FHIT: variants seen among roughly 807,000 people sequenced by gnomAD.
FHIT encodes the protein fragile histidine triad diadenosine triphosphatase.
A neutral mutation model predicts 17.9 loss-of-function variants in FHIT; 19 were observed. The observed-to-expected ratio is 1.06, with a 90% CI of 0.74 to 1.56. The LOEUF is 1.56. FHIT is among the 40% of genes most tolerant of loss of function. The pLI, the probability that FHIT is intolerant of heterozygous loss-of-function variation, is 0.00. For synonymous variants in FHIT, 81 were observed against 69.7 expected (o/e 1.16, Z -0.81); for missense variants, 248 against 189.2 (o/e 1.31, Z -1.82).
intron 4 of FHIT, among the ~76,000 whole-genome samples, chr3:60,652,727 C>CA (rs782637479): frequency 0.11 from 6,398 of 56,882 alleles, 231 homozygotes; most frequent in Non-Finnish European, 0.14. Context: ...GACTCCATCT[C>CA]AAAAAAAAAA....
intron 2 of FHIT, among the ~76,000 whole-genome samples, chr3:61,155,506 G>T (rs2037510343): frequency 6.6e-6 from 1 of 151,864 alleles, no homozygotes; most frequent in Admixed American, 6.6e-5. Flanking sequence ...TAAAATGAGA[G>T]ACCAGTATAA....
At chr3:60,584,414 G>T (rs1357291440) in intron 4 of FHIT, among the ~76,000 whole-genome samples, 1 of 151,904 alleles carries the variant, frequency 6.6e-6, no homozygotes, top group Non-Finnish European at 1.5e-5. Context: ...ACCCTTGTGA[G>T]CTGCGGTGGC....
At chr3:60,254,270 C>T (rs879635532) in intron 5 of FHIT, among the ~76,000 whole-genome samples, 1 of 152,012 alleles carries the variant, frequency 6.6e-6, no homozygotes, top group Non-Finnish European at 1.5e-5. Context: ...TGAAGAGTTC[C>T]CAGTGCAATG....
chr3:60,071,717 T>C (rs528973324), intron 5 of FHIT, among the ~76,000 whole-genome samples: 1 of 152,332 alleles, frequency 6.6e-6, no homozygotes, highest in African/African-American at 2.4e-5. Flanking sequence ...TTTCCAGTGA[T>C]AATAAAATGT....
At chr3:59,755,556 T>G (rs1242110115) in intron 8 of FHIT, among the ~76,000 whole-genome samples, 1 of 152,194 alleles carries the variant, frequency 6.6e-6, no homozygotes, top group Admixed American at 6.5e-5. Context: ...CTGATAAGCC[T>G]TCTAGATTAC....
In FHIT at chr3:60,892,388, C is replaced by T. The variant is rs963490293; in HGVS notation, c.-110-70377G>A. ...TCTCACTGACACCCACCAACTCAAC[C>T]AGCCCTCTCCCACCACACACCCTTT... On this transcript the variant is annotated intron_variant, in intron 3 of 9. Transcript: ENST00000492590. 3.3e-5 allele frequency among the ~76,000 whole-genome samples: 5 copies of T among 152,260 alleles called. No homozygotes were observed. In the South Asian group the frequency reaches 1.0e-3, roughly 32 times the overall value.
intron 4 of FHIT, among the ~76,000 whole-genome samples, chr3:60,613,868 G>C (rs563608927): frequency 8.0e-4 from 122 of 152,214 alleles, no homozygotes; most frequent in Non-Finnish European, 1.5e-3. Context: ...CTACACAGCA[G>C]AGGTAAGGGC....
chr3:60,239,938 G>A (rs930863203), intron 5 of FHIT, among the ~76,000 whole-genome samples: 9 of 152,028 alleles, frequency 5.9e-5, no homozygotes, highest in Admixed American at 1.3e-4. Context: ...TGGTCAGTTC[G>A]CCTCCCTAAG....
chr3:59,970,701 C>G (rs573864602), intron 7 of FHIT, among the ~76,000 whole-genome samples: 32 of 152,204 alleles, frequency 2.1e-4, no homozygotes, highest in African/African-American at 7.5e-4. Context: ...TGCTACTCAT[C>G]CTGCCATTTG....
At chr3:60,345,005 T>A (rs573747844) in intron 5 of FHIT, among the ~76,000 whole-genome samples, 1 of 152,286 alleles carries the variant, frequency 6.6e-6, no homozygotes, top group African/African-American at 2.4e-5. Flanking sequence ...CAAATTTCCC[T>A]TTGTATAAAC....
chr3:60,705,076 C>T lies in FHIT; in HGVS notation c.-18+116843G>A, dbSNP rs201501629. Among the ~76,000 whole-genome samples the T allele has an allele frequency of 7.3e-5, 11 of 151,114 alleles. No homozygotes were observed. In the East Asian group the frequency reaches 2.1e-3, roughly 29 times the overall value. On this transcript the variant is annotated intron_variant, in intron 4 of 9. Transcript: ENST00000492590. Reference sequence around the variant, plus strand: ...AAAAAAAAAAAAAAAGTTTAAGGTACTACACACCTGGAAAATGCAATCTTG... The same window carrying T: ...AAAAAAAAAAAAAAAGTTTAAGGTATTACACACCTGGAAAATGCAATCTTG...
chr3:60,288,302 G>C (rs962784398), intron 5 of FHIT, among the ~76,000 whole-genome samples: 1 of 152,110 alleles, frequency 6.6e-6, no homozygotes, highest in African/African-American at 2.4e-5. Context: ...TGGTCAAAGA[G>C]ATAACATAAT....
intron 4 of FHIT, among the ~76,000 whole-genome samples, chr3:60,543,830 C>T (rs993130600): frequency 4.6e-5 from 7 of 150,692 alleles, no homozygotes; most frequent in Admixed American, 1.3e-4. Flanking sequence ...CTGTAAGCTC[C>T]GCTTCCCAGG....
chr3:60,414,425 A>T (rs11715925), intron 5 of FHIT, among the ~76,000 whole-genome samples: 2 of 152,038 alleles, frequency 1.3e-5, no homozygotes, highest in African/African-American at 4.8e-5. Flanking sequence ...ATGCTCAGTG[A>T]CAATATCAGT....
intron 3 of FHIT, among the ~76,000 whole-genome samples, chr3:60,934,142 G>A (rs186637071): frequency 1.9e-3 from 289 of 152,286 alleles, no homozygotes; most frequent in African/African-American, 6.4e-3. Context: ...AAATAAGTAC[G>A]TTGGTTACCC....
chr3:60,007,247 G>A (rs1229703961), intron 7 of FHIT, among the ~76,000 whole-genome samples: 1 of 152,252 alleles, frequency 6.6e-6, no homozygotes, highest in Non-Finnish European at 1.5e-5. Flanking sequence ...CTAAAGAAAT[G>A]AATATTGCCT....
At chr3:60,681,017 C>T (rs1449490431) in intron 4 of FHIT, among the ~76,000 whole-genome samples, 1 of 152,088 alleles carries the variant, frequency 6.6e-6, no homozygotes, top group Non-Finnish European at 1.5e-5. Context: ...TACAAGTGAT[C>T]GAGGATATAA....
chr3:61,084,976 T>C (rs955499650), intron 2 of FHIT, among the ~76,000 whole-genome samples: 3 of 152,232 alleles, frequency 2.0e-5, no homozygotes, highest in Non-Finnish European at 4.4e-5. Flanking sequence ...ATTTCAGGTA[T>C]GGGCTGTTCA....
chr3:60,206,577 A>G (rs1703203107), intron 5 of FHIT, among the ~76,000 whole-genome samples: 1 of 152,196 alleles, frequency 6.6e-6, no homozygotes, highest in East Asian at 1.9e-4. Context: ...TAAGGCATGA[A>G]AGAGGCAAGG....
Sources: allele counts gnomAD v4.1 joint callset (sites outside exome capture counted in the v4.1 genomes callset), GRCh38; gene constraint gnomAD v4.1.1; transcripts MANE v1.5; gene names NCBI Gene and HGNC (gene_info 2026-07-23, HGNC 2026-07-21).